The following TAFA1 variants were observed in gnomAD, a reference collection of about 807,000 sequenced individuals.
TAFA1 encodes chemokine-like protein TAFA-1.
TAFA1 carries 4 observed loss-of-function variants against 18.5 expected under a neutral mutation model. That is an observed-to-expected ratio of 0.22 (90% CI 0.11 to 0.49). The LOEUF (loss-of-function observed/expected upper bound fraction) is 0.49. Among genes scored for constraint, TAFA1 ranks in the 20% least tolerant of loss-of-function variants. The pLI, the probability that TAFA1 is intolerant of heterozygous loss-of-function variation, is 0.98. For synonymous variants in TAFA1, 56 were observed against 55.2 expected (o/e 1.01, Z -0.06); for missense variants, 147 against 169.0 (o/e 0.87, Z 0.72).
intron 2 of TAFA1, among the ~76,000 whole-genome samples, chr3:68,088,844 A>G (rs958369494): frequency 1.8e-4 from 27 of 152,214 alleles, no homozygotes; most frequent in Non-Finnish European, 4.0e-4. Flanking sequence ...TGACAAGGTG[A>G]GAGATTGCAG....
At chr3:68,112,693 C>T (rs1012039843) in intron 2 of TAFA1, among the ~76,000 whole-genome samples, 2 of 151,928 alleles carry the variant, frequency 1.3e-5, no homozygotes, top group Non-Finnish European at 2.9e-5. Context: ...TCATGATTGA[C>T]AGATGTTAAA....
chr3:68,323,914 G>T (rs935863238), intron 2 of TAFA1, among the ~76,000 whole-genome samples: 7 of 152,246 alleles, frequency 4.6e-5, no homozygotes, highest in Non-Finnish European at 1.0e-4. Context: ...CTGGTAAAGT[G>T]CCTGAGGAAA....
intron 2 of TAFA1, among the ~76,000 whole-genome samples, chr3:68,403,170 A>G (rs2070531409): frequency 6.6e-6 from 1 of 152,212 alleles, no homozygotes; most frequent in Admixed American, 6.5e-5. Flanking sequence ...CTAGGTGTGT[A>G]GTAGGCTATA....
intron 2 of TAFA1, among the ~76,000 whole-genome samples, chr3:68,075,979 T>TG (rs2064818439): frequency 2.6e-5 from 4 of 152,200 alleles, no homozygotes; most frequent in Admixed American, 6.5e-5. Context: ...TTACAGGCAT[T>TG]AGCCTCTGTG....
chr3:68,071,962 C>A (rs1261664304), intron 2 of TAFA1, among the ~76,000 whole-genome samples: 4 of 152,070 alleles, frequency 2.6e-5, no homozygotes, highest in Admixed American at 2.0e-4. Context: ...TTAGGAATTA[C>A]AATTAGACAT....
chr3:68,061,914 A>G (rs888570050), intron 2 of TAFA1, among the ~76,000 whole-genome samples: 1 of 152,160 alleles, frequency 6.6e-6, no homozygotes, highest in Non-Finnish European at 1.5e-5. Context: ...ATCCCTCATC[A>G]AAGAGAAATT....
At chr3:68,110,177 T>C (rs776765489) in intron 2 of TAFA1, among the ~76,000 whole-genome samples, 13 of 152,158 alleles carry the variant, frequency 8.5e-5, no homozygotes, top group Non-Finnish European at 1.3e-4. Context: ...CCCTACCATG[T>C]GTCCATGTGT....
intron 2 of TAFA1, among the ~76,000 whole-genome samples, chr3:68,248,902 T>C (rs2067138062): frequency 6.6e-6 from 1 of 152,074 alleles, no homozygotes; most frequent in South Asian, 2.1e-4. Flanking sequence ...GGAAGGCGAA[T>C]ATGTTGTCCA....
intron 3 of TAFA1, among the ~76,000 whole-genome samples, chr3:68,474,056 C>G (rs560518136): frequency 6.7e-5 from 10 of 149,390 alleles, no homozygotes; most frequent in African/African-American, 1.2e-4. Flanking sequence ...ATCACCCCCC[C>G]CCCCAAGTAA....
intron 2 of TAFA1, among the ~76,000 whole-genome samples, chr3:68,282,731 T>C (rs2067921400): frequency 6.6e-6 from 1 of 152,146 alleles, no homozygotes; most frequent in African/African-American, 2.4e-5. Context: ...TGGCTTTCAT[T>C]CTCTAGTGAA....
chr3:68,517,363 A>C (rs1381840462), intron 3 of TAFA1, among the ~76,000 whole-genome samples: 1 of 152,208 alleles, frequency 6.6e-6, no homozygotes, highest in African/African-American at 2.4e-5. Flanking sequence ...TAAAAGAATC[A>C]GTTCCTAAAA....
intron 2 of TAFA1, among the ~76,000 whole-genome samples, chr3:68,010,026 C>G (rs1036456183): frequency 2.6e-5 from 4 of 152,078 alleles, no homozygotes; most frequent in African/African-American, 7.2e-5. Flanking sequence ...ACCCGCAGAC[C>G]CTGAGCTCTG....
chr3:68,338,764 A>G (rs2069021168), intron 2 of TAFA1, among the ~76,000 whole-genome samples: 1 of 152,238 alleles, frequency 6.6e-6, no homozygotes, highest in Admixed American at 6.5e-5. Flanking sequence ...AACTGTATTA[A>G]TCAGTTATTG....
chr3:68,520,903 T>C (rs2073011050), intron 3 of TAFA1, among the ~76,000 whole-genome samples: 1 of 152,238 alleles, frequency 6.6e-6, no homozygotes, highest in Non-Finnish European at 1.5e-5. Context: ...AACACCTGGA[T>C]TCATTCAATC....
At chr3:68,338,104 A>T (rs916372758) in intron 2 of TAFA1, among the ~76,000 whole-genome samples, 1 of 152,196 alleles carries the variant, frequency 6.6e-6, no homozygotes, top group Non-Finnish European at 1.5e-5. Context: ...CTCCCTGATG[A>T]GCTCTGGACT....
intron 2 of TAFA1, among the ~76,000 whole-genome samples, chr3:68,213,084 C>T (rs13080112): frequency 0.027 from 4,142 of 151,486 alleles, 84 homozygotes; most frequent in Non-Finnish European, 0.037. Flanking sequence ...AGGTTATTAG[C>T]TCCTCTGCAC....
intron 3 of TAFA1, among the ~76,000 whole-genome samples, chr3:68,509,707 A>C (rs2072817490): frequency 6.6e-6 from 1 of 152,100 alleles, no homozygotes; most frequent in Admixed American, 6.6e-5. Flanking sequence ...ATGTAAAGGT[A>C]ATGTATTAGT....
intron 3 of TAFA1, among the ~76,000 whole-genome samples, chr3:68,531,016 C>CAACAACAAAACAA (rs1553700687): frequency 6.3e-4 from 93 of 147,632 alleles, no homozygotes; most frequent in Middle Eastern, 6.8e-3. Context: ...TTAACAACAA[C>CAACAACAAAACAA]AACAAAACAA....
intron 2 of TAFA1, among the ~76,000 whole-genome samples, chr3:68,381,576 G>A (rs1430344119): frequency 6.6e-6 from 1 of 152,114 alleles, no homozygotes; most frequent in Non-Finnish European, 1.5e-5. Context: ...CTGTTTGTCT[G>A]TTATTGTTGT....
Sources: allele counts gnomAD v4.1 joint callset (sites outside exome capture counted in the v4.1 genomes callset), GRCh38; gene constraint gnomAD v4.1.1; transcripts MANE v1.5; gene names NCBI Gene and HGNC (gene_info 2026-07-23, HGNC 2026-07-21).